Variants in COL14A1 observed in about 807,000 individuals in gnomAD.
COL14A1 encodes collagen alpha-1(XIV) chain.
Under a neutral mutation model 230.3 loss-of-function variants are expected in COL14A1, and 136 were observed. The ratio of observed to expected loss-of-function variants is 0.59; its 90% confidence interval spans 0.51 to 0.68. The LOEUF (loss-of-function observed/expected upper bound fraction) is 0.68. Among genes scored for constraint, COL14A1 ranks in the 30% least tolerant of loss-of-function variants. The pLI is 0.00. For synonymous variants in COL14A1, 792 were observed against 784.1 expected (o/e 1.01, Z -0.17); for missense variants, 1,976 against 2,215.8 (o/e 0.89, Z 2.17).
chr8:120,168,092 TAA>T, intron 4 of COL14A1, 67 bp from the exon 5 acceptor site: 1 of 1,132,004 alleles, frequency 8.8e-7, no homozygotes, highest in Non-Finnish European at 1.3e-6. Flanking sequence ...AGGGTTTTAG[TAA>T]AACTCACTGA....
At chr8:120,359,454 T>G (rs1393720769) in intron 45 of COL14A1, among the ~76,000 whole-genome samples, 1 of 152,204 alleles carries the variant, frequency 6.6e-6, no homozygotes, top group East Asian at 1.9e-4. Context: ...CATCATATCA[T>G]TTTCCAGTTC....
At chr8:120,313,569 A>G in intron 37 of COL14A1, among the ~76,000 whole-genome samples, 1 of 152,170 alleles carries the variant, frequency 6.6e-6, no homozygotes, top group East Asian at 1.9e-4. Flanking sequence ...TCATCTGGAC[A>G]GTGTGAACCT....
At chr8:120,265,416 T>A (rs971926689) in intron 24 of COL14A1, among the ~76,000 whole-genome samples, 3 of 152,090 alleles carry the variant, frequency 2.0e-5, no homozygotes, top group East Asian at 1.9e-4. Flanking sequence ...ACAAAAAAAA[T>A]TTCTCATTTT....
At chr8:120,276,146 T>C (rs928178043) in intron 26 of COL14A1, among the ~76,000 whole-genome samples, 7 of 150,864 alleles carry the variant, frequency 4.6e-5, no homozygotes, top group Non-Finnish European at 1.0e-4. Context: ...ATTATATATA[T>C]ATTTTACACA....
Position 120,240,838 on chromosome 8 carries a change from T to TA in COL14A1, c.2350-3033dup, listed in dbSNP as rs977052897. 3.3e-5 allele frequency among the ~76,000 whole-genome samples: 5 copies of TA among 152,106 alleles called. No homozygotes were observed. The East Asian group carries it at 5.8e-4, about 18-fold the overall frequency. On this transcript the variant is annotated intron_variant, in intron 19 of 47. Transcript: ENST00000297848. ...TTACATCTATCAAATACTTCTAGGT[T>TA]AAAAAAAACCCTTTGAATTCTTAGA...
At chr8:120,181,594 T>A (rs548735512) in intron 5 of COL14A1, among the ~76,000 whole-genome samples, 2 of 152,280 alleles carry the variant, frequency 1.3e-5, no homozygotes, top group South Asian at 4.1e-4. Flanking sequence ...ATTTTAAAAT[T>A]TCATGAAGAG....
At chr8:120,280,894 C>A (rs374640976) in intron 30 of COL14A1, 27 bp from the exon 31 acceptor site, 2 of 1,439,766 alleles carry the variant, frequency 1.4e-6, no homozygotes, top group Non-Finnish European at 1.8e-6. Flanking sequence ...TATGTTTATT[C>A]TTTTTCTACT....
chr8:120,312,442 CTTTG>C (rs1467781493), intron 37 of COL14A1, among the ~76,000 whole-genome samples: 1 of 152,146 alleles, frequency 6.6e-6, no homozygotes, highest in African/African-American at 2.4e-5. Flanking sequence ...TCAAACACTT[CTTTG>C]TTTGAAAATT....
At chr8:120,231,847 A>C in intron 19 of COL14A1, 2 of 472,656 alleles carry the variant, frequency 4.2e-6, no homozygotes, top group African/African-American at 1.9e-5. Flanking sequence ...ACCTCTGAAC[A>C]TTGTTTCAAA....
At chr8:120,337,655 C>A (rs73331032) in intron 42 of COL14A1, among the ~76,000 whole-genome samples, 2,084 of 152,190 alleles carry the variant, frequency 0.014, 51 homozygotes, top group African/African-American at 0.047. Flanking sequence ...AATGTAGCTG[C>A]TGTATTTTCT....
intron 43 of COL14A1, 81 bp downstream of exon 43, chr8:120,341,441 T>G: frequency 4.4e-6 from 6 of 1,377,880 alleles, no homozygotes; most frequent in Non-Finnish European, 6.2e-6. Flanking sequence ...GGATCATCAT[T>G]TAATACCATT....
chr8:120,228,643 C>A, intron 17 of COL14A1, 67 bp from the exon 18 acceptor site: 1 of 1,217,764 alleles, frequency 8.2e-7, no homozygotes, highest in Non-Finnish European at 1.2e-6. Flanking sequence ...TCTTTGAAAG[C>A]TACAACATGC....
intron 11 of COL14A1, 78 bp downstream of exon 11, chr8:120,208,439 C>T: frequency 6.8e-7 from 1 of 1,481,258 alleles, no homozygotes. Context: ...AAATTCTGCT[C>T]AGGTCATGTT....
chr8:120,339,866 C>T (rs1224455487), intron 42 of COL14A1, among the ~76,000 whole-genome samples: 3 of 151,832 alleles, frequency 2.0e-5, no homozygotes, highest in Non-Finnish European at 2.9e-5. Flanking sequence ...GGTGAAACCC[C>T]GTCTCTACTA....
At chr8:120,240,243 A>G (rs1278381475) in intron 19 of COL14A1, among the ~76,000 whole-genome samples, 11 of 151,980 alleles carry the variant, frequency 7.2e-5, no homozygotes, top group Non-Finnish European at 1.5e-4. Context: ...GAATTCTTTA[A>G]GTATCAAGCT....
intron 36 of COL14A1, among the ~76,000 whole-genome samples, chr8:120,301,295 A>G (rs1426253337): frequency 6.6e-6 from 1 of 152,014 alleles, no homozygotes; most frequent in African/African-American, 2.4e-5. Flanking sequence ...AGATTATTTC[A>G]TCACCCAAGT....
intron 45 of COL14A1, among the ~76,000 whole-genome samples, chr8:120,348,682 A>G (rs929302390): frequency 1.3e-5 from 2 of 152,166 alleles, no homozygotes; most frequent in Non-Finnish European, 2.9e-5. Context: ...ATGGAAAAAA[A>G]TTTTGTTTTT....
chr8:120,226,541 A>G (rs1157813353), intron 15 of COL14A1, 86 bp from the exon 16 acceptor site: 10 of 1,388,518 alleles, frequency 7.2e-6, no homozygotes, highest in East Asian at 4.6e-5. Flanking sequence ...TTCCTCAAAG[A>G]GTCTTCTACA....
intron 40 of COL14A1, among the ~76,000 whole-genome samples, chr8:120,321,025 T>G (rs1821420704): frequency 6.6e-6 from 1 of 152,214 alleles, no homozygotes; most frequent in South Asian, 2.1e-4. Context: ...TCCATCTGCC[T>G]GGGTCCTACA....
Sources: allele counts gnomAD v4.1 joint callset (sites outside exome capture counted in the v4.1 genomes callset), GRCh38; gene constraint gnomAD v4.1.1; transcripts MANE v1.5; gene names NCBI Gene and HGNC (gene_info 2026-07-23, HGNC 2026-07-21).